GFM1: variants seen among roughly 807,000 people sequenced by gnomAD.
GFM1 encodes G elongation factor mitochondrial 1.
GFM1 carries 62 observed loss-of-function variants against 96.2 expected under a neutral mutation model. The ratio of observed to expected loss-of-function variants is 0.64; its 90% CI spans 0.53 to 0.80. GFM1 has a LOEUF of 0.80. GFM1 is among the 30% of genes least tolerant of loss of function. GFM1 has a pLI of 0.00. For synonymous variants in GFM1, 282 were observed against 312.9 expected, an observed-to-expected ratio of 0.90 and a Z score of 1.04; for missense variants, 852 against 916.6, an observed-to-expected ratio of 0.93 and a Z score of 0.91.
chr3:158,645,584 C>G (rs1364811654), intron 1 of GFM1, 45 bp from the exon 2 acceptor site: 3 of 1,500,834 alleles, frequency 2.0e-6, no homozygotes, highest in Non-Finnish European at 2.8e-6. Context: ...CTGTTGTTCT[C>G]TCTTATAAAA....
Position 158,653,469 on chromosome 3 carries a change from T to G in GFM1, c.998+2T>G, listed in dbSNP as rs775287626. On this transcript the variant is annotated splice_donor_variant, in intron 7 of 17. Transcript: ENST00000486715. LOFTEE classifies it high-confidence loss of function. Reference sequence around the variant, plus strand: ...CTATGCTATTCTCAATAAAGAGGAGTAAGTCTTGAAAATTGAATCTTAGTT... The same window carrying G: ...CTATGCTATTCTCAATAAAGAGGAGGAAGTCTTGAAAATTGAATCTTAGTT... 6.2e-7 allele frequency: 1 copy of G among 1,608,712 alleles called. No homozygotes were observed. The highest frequency in any genetic ancestry group is 1.3e-5 in the African/African-American group (1 of 74,760).
Position 158,653,617 on chromosome 3 carries a change from G to A in GFM1, c.998+150G>A, listed in dbSNP as rs9858849. The A allele has an allele frequency of 0.37, 236,571 of 644,994 alleles. 46,635 individuals carry two copies. The highest frequency in any genetic ancestry group is 0.6 in the African/African-American group (32,722 of 54,428). 40.0% of individuals were successfully genotyped at this position (644,994 alleles called of 1,614,324 possible). On this transcript the variant is annotated intron_variant, in intron 7 of 17. Transcript: ENST00000486715. ...TTTTTATTTGGGTAACAATTTTGAC[G>A]TATAGAAAAATATTTATTATACTAG...
At chr3:158,651,484 C>A (rs1260547278) in intron 5 of GFM1, among the ~76,000 whole-genome samples, 1 of 151,778 alleles carries the variant, frequency 6.6e-6, no homozygotes, top group Non-Finnish European at 1.5e-5. Context: ...ATAATAGAAG[C>A]TACTTCATAT....
Position 158,691,325 on chromosome 3 carries a change from T to A in GFM1, c.2125-11T>A, listed in dbSNP as rs1300665148. The stretch of plus-strand genomic sequence containing the variant: ...CAAACAAAAAACCCTCTCTTTTTTT[T>A]AAATCCCTAGGGAAAGGGAGAATAC... On this transcript the variant is annotated splice_polypyrimidine_tract_variant and intron_variant, in intron 17 of 17. Coordinates refer to ENST00000486715, the MANE Select transcript of GFM1 (RefSeq NM_024996.7). 5 of 1,613,578 alleles carry A rather than the reference T, an allele frequency of 3.1e-6. No individual in the cohort carries two copies. Among genetic ancestry groups the A allele is most frequent in the Non-Finnish European group, 3.4e-6 (4 of 1,179,714 alleles).
intron 8 of GFM1, among the ~76,000 whole-genome samples, 195 bp downstream of exon 8, chr3:158,654,826 C>T (rs930788648): frequency 7.9e-5 from 12 of 152,188 alleles, no homozygotes; most frequent in African/African-American, 2.9e-4. Flanking sequence ...CTAGTCTCTT[C>T]TCTTTGCCTG....
At chr3:158,654,444 AC>A in intron 7 of GFM1, 102 bp from the exon 8 acceptor site, 1 of 728,302 alleles carries the variant, frequency 1.4e-6, no homozygotes, top group Non-Finnish European at 2.4e-6. Flanking sequence ...GTAATATCCC[AC>A]ACACGTGCTT....
At chr3:158,655,936 T>G (rs764526543) in intron 8 of GFM1, 63 of 456,962 alleles carry the variant, frequency 1.4e-4, no homozygotes, top group Non-Finnish European at 2.2e-4. Context: ...TAGACTTTCC[T>G]TGTTTCTCAC....
rs928828435 is a variant in GFM1, at chr3:158,644,683, G to A, written c.49G>A (p.Ala17Thr). Residue 17 changes from alanine (A) to threonine (T), a missense_variant, in exon 1 of 18, where the codon GCC becomes ACC. Transcript: ENST00000486715. ...CGTCGCGGCTCTGGGGCGCGGAAGGGCCCCCGCCTCCCTAGGCTGGCAGAG... is the reference window on the plus strand; with the variant it reads ...CGTCGCGGCTCTGGGGCGCGGAAGGACCCCCGCCTCCCTAGGCTGGCAGAG... ...AAVAALGRGRAPASLGWQRKQ... is the reference protein window; with the variant it reads ...AAVAALGRGRTPASLGWQRKQ... The A allele has an allele frequency of 1.3e-6, 2 of 1,579,502 alleles. No homozygotes were observed. Among genetic ancestry groups the A allele is most frequent in the South Asian group, 2.3e-5 (2 of 86,080 alleles).
chr3:158,663,964 A>G (rs1431813604), intron 11 of GFM1, among the ~76,000 whole-genome samples: 2 of 152,190 alleles, frequency 1.3e-5, no homozygotes, highest in Non-Finnish European at 2.9e-5. Context: ...GCTTGTGCAG[A>G]AAAAAGGCAA....
rs568841848 is a variant in GFM1, at chr3:158,682,036, A to T, written c.1643A>T (p.Gln548Leu). The T allele has an allele frequency of 1.2e-6, 2 of 1,613,710 alleles. No homozygotes were observed. Among genetic ancestry groups the T allele is most frequent in the Non-Finnish European group, 1.7e-6 (2 of 1,179,782 alleles). Reference sequence around the variant, plus strand: ...AAAAAACAATCAGGTGGTGCAGGCCAGTATGGAAAAGTAATAGGTGTCCTG... The same window carrying T: ...AAAAAACAATCAGGTGGTGCAGGCCTGTATGGAAAAGTAATAGGTGTCCTG... ...THKKQSGGAG[Q>L]YGKVIGVLEP... Residue 548 changes from glutamine (Q) to leucine (L), a missense_variant, in exon 14 of 18, where the codon CAG becomes CTG. Gln to Leu is a moderately radical substitution (Grantham distance 113). Coordinates refer to ENST00000486715, the MANE Select transcript of GFM1 (RefSeq NM_024996.7).
At chr3:158,646,632 A>T (rs113104689) in intron 3 of GFM1, 111 bp from the exon 4 acceptor site, 19 of 979,944 alleles carry the variant, frequency 1.9e-5, no homozygotes, top group Non-Finnish European at 2.9e-5. Flanking sequence ...AGGAATCTAC[A>T]TTCTTATTAG....
At chr3:158,656,567 T>C (rs1722775705) in intron 8 of GFM1, 1 of 151,448 alleles carries the variant, frequency 6.6e-6, no homozygotes, top group Non-Finnish European at 1.5e-5. Flanking sequence ...CATAGTGTAC[T>C]TTTTAGAAGG....
At chr3:158,660,793 T>TAAA in intron 9 of GFM1, 81 bp from the exon 10 acceptor site, 1 of 1,100,838 alleles carries the variant, frequency 9.1e-7, no homozygotes, top group Non-Finnish European at 1.4e-6. Flanking sequence ...ACAATGTGTG[T>TAAA]ACTGTACAGT....
Position 158,682,088 on chromosome 3 carries a change from T to C in GFM1, c.1695T>C (p.Thr565=), listed in dbSNP as rs753454954. 6.2e-7 allele frequency: 1 copy of C among 1,613,764 alleles called. No individual in the cohort carries two copies. Among genetic ancestry groups the C allele is most frequent in the Admixed American group, 1.7e-5 (1 of 59,996 alleles). ...AGCCTCTGGACCCAGAGGACTACAC[T>C]AAATTGGAATTTTCAGATGAAACAT... is the stretch of plus-strand genomic sequence containing the variant. ...VLEPLDPEDY[T]KLEFSDETFG... Residue 565 remains threonine (T), a synonymous_variant, in exon 14 of 18, where the codon ACT becomes ACC. Coordinates refer to ENST00000486715, the MANE Select transcript of GFM1 (RefSeq NM_024996.7).
chr3:158,645,694 T>C lies in GFM1; in HGVS notation c.147T>C (p.Ile49=). 1 of 1,610,804 alleles carries C rather than the reference T, an allele frequency of 6.2e-7. No homozygotes were observed. Among genetic ancestry groups the C allele is most frequent in the South Asian group, 1.1e-5 (1 of 91,022 alleles). ...GVIPNEKIRN[I]GISAHIDSGK... Reference sequence around the variant, plus strand: ...TTCCTAATGAAAAAATACGAAATATTGGAATCTCAGCTCACATTGATTCTG... The same window carrying C: ...TTCCTAATGAAAAAATACGAAATATCGGAATCTCAGCTCACATTGATTCTG... The change falls in exon 2 of 18, where the codon ATT becomes ATC. Residue 49 remains isoleucine (I), a synonymous_variant. Coordinates refer to ENST00000486715, the MANE Select transcript of GFM1 (RefSeq NM_024996.7).
At chr3:158,653,591 G>A in intron 7 of GFM1, 124 bp downstream of exon 7, 1 of 736,006 alleles carries the variant, frequency 1.4e-6, no homozygotes, top group Non-Finnish European at 2.3e-6. Flanking sequence ...TACAATCATG[G>A]TTTTTATTTG....
At chr3:158,660,576 A>G (rs1055085552) in intron 9 of GFM1, 1 of 368,984 alleles carries the variant, frequency 2.7e-6, no homozygotes, top group African/African-American at 2.1e-5. Flanking sequence ...CCATAGAAAT[A>G]ACTTTAGAAC....
At chr3:158,672,518 C>G (rs779142286) in intron 13 of GFM1, 3 of 1,611,140 alleles carry the variant, frequency 1.9e-6, no homozygotes, top group Non-Finnish European at 2.5e-6. Context: ...GCTACTCTGG[C>G]TTAACGGGAC....
In GFM1 at chr3:158,690,017, A is replaced by G; in HGVS notation, c.1910-146A>G. ...GAAGAGTGACTGTTATTACTACAGG[A>G]AAAATGAGTCTAGGTCGAATATTTT... On this transcript the variant is annotated intron_variant, in intron 15 of 17. Transcript: ENST00000486715. 3.0e-6 allele frequency: 2 copies of G among 677,286 alleles called. 1 individual carries two copies. Among genetic ancestry groups the G allele is most frequent in the Middle Eastern group, 8.1e-4 (2 of 2,478 alleles). 42.0% of individuals were successfully genotyped at this position (677,286 alleles called of 1,614,324 possible). A position where few individuals can be genotyped will look rare whatever the true frequency, so the allele number is the denominator to read the frequency against.
Sources: allele counts gnomAD v4.1 joint callset (sites outside exome capture counted in the v4.1 genomes callset), GRCh38; gene constraint gnomAD v4.1.1; transcripts MANE v1.5; gene names NCBI Gene and HGNC (gene_info 2026-07-23, HGNC 2026-07-21).